Variants in SPOCK1 observed in about 807,000 individuals in gnomAD.
The protein encoded by SPOCK1 is SPARC (osteonectin), cwcv and kazal like domains proteoglycan 1.
SPOCK1 carries 23 observed loss-of-function variants against 55.3 expected under a neutral mutation model. That is an observed-to-expected ratio of 0.42 (90% CI 0.30 to 0.59). SPOCK1 has a LOEUF of 0.59. SPOCK1 is among the 20% of genes least tolerant of loss of function. The pLI, the probability that SPOCK1 is intolerant of heterozygous loss-of-function variation, is 0.22. For synonymous variants in SPOCK1, 226 were observed against 221.0 expected, an observed-to-expected ratio of 1.02 and a Z score of -0.20; for missense variants, 499 against 552.5, an observed-to-expected ratio of 0.90 and a Z score of 0.97.
intron 6 of SPOCK1, among the ~76,000 whole-genome samples, chr5:137,019,017 C>T: frequency 6.6e-6 from 1 of 152,084 alleles, no homozygotes; most frequent in East Asian, 1.9e-4. Flanking sequence ...AAAAGTGTTT[C>T]ACTTCAATAG....
intron 2 of SPOCK1, among the ~76,000 whole-genome samples, chr5:137,384,578 A>ATG (rs1491524682): frequency 7.4e-6 from 1 of 135,732 alleles, no homozygotes; most frequent in South Asian, 2.4e-4. Context: ...ATATATATAT[A>ATG]TGTATGTATT....
chr5:137,419,539 A>C (rs906580664), intron 2 of SPOCK1, among the ~76,000 whole-genome samples: 4 of 152,164 alleles, frequency 2.6e-5, no homozygotes, highest in African/African-American at 9.7e-5. Flanking sequence ...TTGGATTCCT[A>C]GATATTTTAT....
intron 3 of SPOCK1, among the ~76,000 whole-genome samples, chr5:137,244,482 C>T (rs1297187118): frequency 6.6e-6 from 1 of 152,122 alleles, no homozygotes; most frequent in Non-Finnish European, 1.5e-5. Context: ...TATATTGAAG[C>T]TGAATTCTAG....
chr5:137,108,400 T>C (rs1458658136), intron 5 of SPOCK1, among the ~76,000 whole-genome samples: 1 of 152,174 alleles, frequency 6.6e-6, no homozygotes. Context: ...CACAAACTTC[T>C]AGATGTTCAC....
intron 2 of SPOCK1, among the ~76,000 whole-genome samples, chr5:137,331,342 C>T (rs147404736): frequency 1.3e-5 from 2 of 152,148 alleles, no homozygotes; most frequent in African/African-American, 2.4e-5. Flanking sequence ...GAAGACTTGC[C>T]AAAGTGTGGC....
intron 3 of SPOCK1, among the ~76,000 whole-genome samples, chr5:137,242,479 G>C (rs767465870): frequency 6.6e-6 from 1 of 152,196 alleles, no homozygotes; most frequent in Non-Finnish European, 1.5e-5. Context: ...ATGTGGAACT[G>C]TGAGTCCATT....
intron 2 of SPOCK1, among the ~76,000 whole-genome samples, chr5:137,488,397 G>A (rs928886335): frequency 2.6e-5 from 4 of 152,016 alleles, no homozygotes; most frequent in African/African-American, 9.7e-5. Flanking sequence ...AGAATCACCT[G>A]GACTGCTCAT....
chr5:137,007,339 C>A (rs537447826), intron 6 of SPOCK1, among the ~76,000 whole-genome samples: 16 of 151,310 alleles, frequency 1.1e-4, no homozygotes, highest in Middle Eastern at 6.8e-3. Flanking sequence ...AAAAAAAAAA[C>A]CTATCATCAG....
At chr5:137,176,502 A>ATGTGTGTGTGTGTG (rs10527760) in intron 3 of SPOCK1, among the ~76,000 whole-genome samples, 4,900 of 150,366 alleles carry the variant, frequency 0.033, 207 homozygotes, top group African/African-American at 0.099. Context: ...CCCCACCACA[A>ATGTGTGTGTGTGTG]TGTGTGTGTG....
At chr5:137,258,102 T>C (rs116113088) in intron 3 of SPOCK1, among the ~76,000 whole-genome samples, 21 of 152,386 alleles carry the variant, frequency 1.4e-4, no homozygotes, top group African/African-American at 5.0e-4. Flanking sequence ...TTCTTGCCTT[T>C]TTCATGTGCA....
At chr5:137,422,032 G>A (rs1002368191) in intron 2 of SPOCK1, among the ~76,000 whole-genome samples, 1 of 152,148 alleles carries the variant, frequency 6.6e-6, no homozygotes, top group East Asian at 1.9e-4. Context: ...GTCTGTAAAG[G>A]ATTTTATTTC....
At chr5:137,449,667 T>C (rs1019500431) in intron 2 of SPOCK1, among the ~76,000 whole-genome samples, 4 of 152,078 alleles carry the variant, frequency 2.6e-5, no homozygotes, top group Admixed American at 2.0e-4. Flanking sequence ...AGTAGGAGGA[T>C]GGCTTGAGCC....
At chr5:137,341,269 G>A (rs1375754382) in intron 2 of SPOCK1, among the ~76,000 whole-genome samples, 1 of 152,258 alleles carries the variant, frequency 6.6e-6, no homozygotes, top group African/African-American at 2.4e-5. Context: ...TGCTCAGAGT[G>A]CCTTGCAGGC....
chr5:137,342,951 A>G (rs1033448224), intron 2 of SPOCK1, among the ~76,000 whole-genome samples: 2 of 152,230 alleles, frequency 1.3e-5, no homozygotes, highest in African/African-American at 4.8e-5. Flanking sequence ...GCTGAACCTC[A>G]TTCACACCAA....
At chr5:137,013,089 G>C (rs1441545080) in intron 6 of SPOCK1, among the ~76,000 whole-genome samples, 1 of 152,036 alleles carries the variant, frequency 6.6e-6, no homozygotes, top group Admixed American at 6.6e-5. Context: ...GACAGGGGAA[G>C]GTATATAATA....
rs144494816 is a variant in SPOCK1, at chr5:137,012,783, G to A, written c.590-20183C>T. On this transcript the variant is annotated intron_variant, in intron 6 of 10. Coordinates refer to ENST00000394945, the MANE Select transcript of SPOCK1 (RefSeq NM_004598.4). ...ACTTAAGTCGAAAAAGCACAGGTGGGTGCAAAGATGATGTTGTACTCTTAC... is the reference window on the plus strand; with the variant it reads ...ACTTAAGTCGAAAAAGCACAGGTGGATGCAAAGATGATGTTGTACTCTTAC... Among the ~76,000 whole-genome samples the A allele has an allele frequency of 1.7e-3, 256 of 152,282 alleles. 2 individuals are homozygous for A. The highest frequency in any genetic ancestry group is 5.9e-3 in the African/African-American group (246 of 41,544).
intron 5 of SPOCK1, among the ~76,000 whole-genome samples, chr5:137,084,711 A>T (rs1216350135): frequency 1.3e-5 from 2 of 152,242 alleles, no homozygotes; most frequent in South Asian, 2.1e-4. Flanking sequence ...GCCTAAAAAA[A>T]CCCAAAAAAC....
intron 2 of SPOCK1, among the ~76,000 whole-genome samples, chr5:137,396,121 C>T (rs1751842866): frequency 6.6e-6 from 1 of 152,162 alleles, no homozygotes; most frequent in Non-Finnish European, 1.5e-5. Flanking sequence ...GCCTCAGAAC[C>T]CAGACACCAA....
intron 3 of SPOCK1, among the ~76,000 whole-genome samples, chr5:137,187,211 A>G (rs1168965401): frequency 6.6e-6 from 1 of 152,024 alleles, no homozygotes; most frequent in East Asian, 1.9e-4. Flanking sequence ...ACTCCCAGAC[A>G]TTTCTCTAGG....
Sources: gnomAD v4.1 joint callset for allele counts (sites outside exome capture counted in the v4.1 genomes callset) on GRCh38, gnomAD v4.1.1 for gene constraint, MANE v1.5 for transcripts, NCBI Gene and HGNC (gene_info 2026-07-23, HGNC 2026-07-21) for gene names.